The following AFG2A variants were observed in gnomAD, a reference collection of about 807,000 sequenced individuals.
The protein encoded by AFG2A is ATPase family gene 2 protein homolog A.
the AFG2A span, among the ~76,000 whole-genome samples, chr4:123,039,706 AAGTATAGGGCTGT>A: frequency 1.3e-5 from 2 of 150,162 alleles, no homozygotes; most frequent in East Asian, 2.0e-4. Context: ...AGTACAAAGC[AAGTATAGGGCTGT>A]AGTATAGGGC....
the AFG2A span, among the ~76,000 whole-genome samples, chr4:123,178,096 A>G: frequency 1.3e-5 from 2 of 152,218 alleles, no homozygotes; most frequent in Non-Finnish European, 2.9e-5. Flanking sequence ...GACTCTTTCT[A>G]TAAAGCTTTG....
At chr4:123,209,795 A>G in the AFG2A span, among the ~76,000 whole-genome samples, 2 of 152,030 alleles carry the variant, frequency 1.3e-5, no homozygotes, top group Non-Finnish European at 2.9e-5. Context: ...AGGTCAGGAT[A>G]TGTATTCCCT....
At chr4:122,973,572 A>T in the AFG2A span, among the ~76,000 whole-genome samples, 1 of 151,236 alleles carries the variant, frequency 6.6e-6, no homozygotes, top group Admixed American at 6.6e-5. Context: ...TGAATATCCT[A>T]TGTTTGTCTC....
the AFG2A span, among the ~76,000 whole-genome samples, chr4:123,119,488 C>T: frequency 6.6e-6 from 1 of 152,134 alleles, no homozygotes; most frequent in Non-Finnish European, 1.5e-5. Context: ...TTTCCAGTCT[C>T]CTAACTTTCT....
the AFG2A span, among the ~76,000 whole-genome samples, chr4:123,004,733 C>T: frequency 3.4e-4 from 52 of 152,198 alleles, no homozygotes; most frequent in Middle Eastern, 0.01. Flanking sequence ...AATGTTGGCA[C>T]GGTGAAATGA....
At chr4:123,136,801 C>T in the AFG2A span, among the ~76,000 whole-genome samples, 22 of 150,008 alleles carry the variant, frequency 1.5e-4, no homozygotes, top group Non-Finnish European at 2.5e-4. Context: ...GAGATCATGC[C>T]ATTACACTCC....
the AFG2A span, among the ~76,000 whole-genome samples, chr4:122,944,256 G>A: frequency 3.3e-3 from 506 of 151,882 alleles, 8 homozygotes; most frequent in African/African-American, 0.011. Flanking sequence ...CATTCTCCCC[G>A]TCACTTTCAA....
the AFG2A span, among the ~76,000 whole-genome samples, chr4:123,104,870 GA>G: frequency 1.3e-5 from 2 of 152,336 alleles, no homozygotes; most frequent in Admixed American, 6.5e-5. Context: ...TAAGTTTAAG[GA>G]AAGAAGCTAT....
At chr4:123,007,235 A>G in the AFG2A span, among the ~76,000 whole-genome samples, 1 of 152,150 alleles carries the variant, frequency 6.6e-6, no homozygotes, top group African/African-American at 2.4e-5. Flanking sequence ...TTTCCACTCT[A>G]TTGAGGTAGG....
chr4:123,033,315 G>T, the AFG2A span, among the ~76,000 whole-genome samples: 1 of 152,088 alleles, frequency 6.6e-6, no homozygotes, highest in African/African-American at 2.4e-5. Context: ...CTTAACCACT[G>T]TATTATATAT....
chr4:123,069,490 A>T, the AFG2A span, among the ~76,000 whole-genome samples: 1 of 152,138 alleles, frequency 6.6e-6, no homozygotes, highest in Non-Finnish European at 1.5e-5. Flanking sequence ...GGGAATACAC[A>T]AAGAAGGAGT....
chr4:123,256,670 C>T, the AFG2A span: 2 of 983,634 alleles, frequency 2.0e-6, no homozygotes, highest in East Asian at 1.1e-4. Context: ...GGCAAGTTAT[C>T]TCAGTCTAAT....
the AFG2A span, chr4:123,102,213 G>T: frequency 1.4e-5 from 2 of 146,314 alleles, no homozygotes; most frequent in Admixed American, 6.9e-5. Flanking sequence ...TCTTGTTACT[G>T]TAACGTTTAT....
the AFG2A span, among the ~76,000 whole-genome samples, chr4:123,288,061 T>C: frequency 3.3e-5 from 5 of 151,992 alleles, no homozygotes; most frequent in African/African-American, 1.2e-4. Context: ...GAGTAAGTGA[T>C]TGGTGTCGCA....
chr4:122,983,294 GTC>G, the AFG2A span, among the ~76,000 whole-genome samples: 1 of 151,794 alleles, frequency 6.6e-6, no homozygotes, highest in African/African-American at 2.4e-5. Context: ...TATTTTTCTA[GTC>G]TCCATTTCAT....
the AFG2A span, among the ~76,000 whole-genome samples, chr4:123,181,192 G>T: frequency 1.3e-5 from 2 of 151,876 alleles, no homozygotes. Context: ...CACTGTGTTA[G>T]CCAGGATGGT....
chr4:123,033,489 TA>T, the AFG2A span, among the ~76,000 whole-genome samples: 2 of 152,144 alleles, frequency 1.3e-5, no homozygotes, highest in Non-Finnish European at 2.9e-5. Flanking sequence ...GTTTGAAAAA[TA>T]ATTTTGTTTC....
the AFG2A span, among the ~76,000 whole-genome samples, chr4:123,071,596 T>C: frequency 6.6e-6 from 1 of 152,214 alleles, no homozygotes; most frequent in African/African-American, 2.4e-5. Context: ...TGGGAAATCA[T>C]GGCAAGATGG....
At chr4:122,954,352 G>T in the AFG2A span, among the ~76,000 whole-genome samples, 3 of 152,154 alleles carry the variant, frequency 2.0e-5, no homozygotes, top group Non-Finnish European at 4.4e-5. Context: ...TTCCATAGTG[G>T]TGTAGTGCTG....
Sources: allele counts gnomAD v4.1 joint callset (sites outside exome capture counted in the v4.1 genomes callset), GRCh38; gene constraint gnomAD v4.1.1; transcripts MANE v1.5; gene names NCBI Gene and HGNC (gene_info 2026-07-23, HGNC 2026-07-21).